Variants in KCTD8 observed in about 807,000 individuals in gnomAD.
KCTD8 encodes the protein BTB/POZ domain-containing protein KCTD8.
Under a neutral mutation model 31.5 loss-of-function variants are expected in KCTD8, and 27 were observed. The ratio of observed to expected loss-of-function variants is 0.86; its 90% CI spans 0.63 to 1.18. KCTD8 has a LOEUF of 1.18. Among genes scored for constraint, KCTD8 ranks in the 50% most tolerant of loss-of-function variants. KCTD8 has a pLI of 0.00. For missense variants in KCTD8, 658 were observed against 647.7 expected (o/e 1.02, Z -0.17); for synonymous variants, 290 against 280.0 (o/e 1.04, Z -0.36).
intron 1 of KCTD8, among the ~76,000 whole-genome samples, chr4:44,225,803 T>G (rs1216126121): frequency 6.7e-6 from 1 of 149,668 alleles, no homozygotes; most frequent in Non-Finnish European, 1.5e-5. Flanking sequence ...ACCCGTCACC[T>G]AGGTTTTGTC....
At chr4:44,295,842 T>G (rs1443716774) in intron 1 of KCTD8, among the ~76,000 whole-genome samples, 2 of 152,194 alleles carry the variant, frequency 1.3e-5, no homozygotes, top group Non-Finnish European at 2.9e-5. Context: ...ACATTCTGAC[T>G]GTAGCAATAT....
At chr4:44,201,080 A>C (rs2109339179) in intron 1 of KCTD8, among the ~76,000 whole-genome samples, 1 of 152,216 alleles carries the variant, frequency 6.6e-6, no homozygotes, top group African/African-American at 2.4e-5. Context: ...AAAATGAAAA[A>C]CCTAGGAATA....
At chr4:44,384,501 A>C (rs1720157090) in intron 1 of KCTD8, among the ~76,000 whole-genome samples, 1 of 151,972 alleles carries the variant, frequency 6.6e-6, no homozygotes, top group Non-Finnish European at 1.5e-5. Flanking sequence ...AAGCCTGGAA[A>C]ACATTATGTT....
intron 1 of KCTD8, among the ~76,000 whole-genome samples, chr4:44,242,572 C>T (rs1248989582): frequency 6.6e-6 from 1 of 150,690 alleles, no homozygotes; most frequent in Non-Finnish European, 1.5e-5. Context: ...GGCGGGATTC[C>T]GTCTCAAAAA....
chr4:44,260,492 G>A (rs1229542487), intron 1 of KCTD8, among the ~76,000 whole-genome samples: 1 of 151,942 alleles, frequency 6.6e-6, no homozygotes, highest in African/African-American at 2.4e-5. Context: ...GTCAGAGTAA[G>A]GGAACAGAGT....
At chr4:44,442,771 G>A (rs1475546782) in intron 1 of KCTD8, among the ~76,000 whole-genome samples, 1 of 18,036 alleles carries the variant, frequency 5.5e-5, no homozygotes, top group Admixed American at 6.2e-4. Context: ...CTTAACTAAG[G>A]TATACACACA....
intron 1 of KCTD8, among the ~76,000 whole-genome samples, chr4:44,320,924 T>A (rs1447849621): frequency 6.6e-6 from 1 of 151,982 alleles, no homozygotes; most frequent in Non-Finnish European, 1.5e-5. Context: ...AGGAAAAGGA[T>A]AACAAGATTT....
intron 1 of KCTD8, among the ~76,000 whole-genome samples, chr4:44,287,790 A>C (rs1717144804): frequency 6.6e-6 from 1 of 152,168 alleles, no homozygotes; most frequent in African/African-American, 2.4e-5. Flanking sequence ...CAGACTTAAC[A>C]CAGTATTCTT....
chr4:44,431,724 G>A (rs1721511777), intron 1 of KCTD8, among the ~76,000 whole-genome samples: 1 of 151,450 alleles, frequency 6.6e-6, no homozygotes, highest in Admixed American at 6.6e-5. Flanking sequence ...CCTCTAAGAT[G>A]GTCTTTTGGA....
At chr4:44,354,855 C>A (rs1719301765) in intron 1 of KCTD8, among the ~76,000 whole-genome samples, 1 of 152,044 alleles carries the variant, frequency 6.6e-6, no homozygotes, top group Admixed American at 6.6e-5. Flanking sequence ...AACTTGCATA[C>A]AATGGACATC....
intron 1 of KCTD8, among the ~76,000 whole-genome samples, chr4:44,196,978 C>T (rs1355876146): frequency 6.6e-6 from 1 of 152,190 alleles, no homozygotes; most frequent in Non-Finnish European, 1.5e-5. Context: ...CTCTTGCTTC[C>T]AGCACAGTGA....
chr4:44,376,567 T>C (rs943718912), intron 1 of KCTD8, among the ~76,000 whole-genome samples: 1 of 152,188 alleles, frequency 6.6e-6, no homozygotes, highest in Non-Finnish European at 1.5e-5. Context: ...AAGAAACCTA[T>C]GTGATTTTCA....
chr4:44,181,738 C>T (rs1026973051), intron 1 of KCTD8, among the ~76,000 whole-genome samples: 8 of 151,594 alleles, frequency 5.3e-5, no homozygotes, highest in Non-Finnish European at 7.4e-5. Context: ...CCCCTCTGCC[C>T]GGCTGCCCAG....
chr4:44,388,170 G>A (rs1196233207), intron 1 of KCTD8, among the ~76,000 whole-genome samples: 5 of 151,622 alleles, frequency 3.3e-5, no homozygotes, highest in East Asian at 1.9e-4. Context: ...CATCTAACAC[G>A]AGTCAGAATG....
At chr4:44,205,241 G>C (rs1018731081) in intron 1 of KCTD8, among the ~76,000 whole-genome samples, 3 of 152,088 alleles carry the variant, frequency 2.0e-5, no homozygotes, top group Non-Finnish European at 4.4e-5. Flanking sequence ...AAAAATTAAA[G>C]TGCCTTCCTA....
intron 1 of KCTD8, among the ~76,000 whole-genome samples, chr4:44,436,544 A>G (rs16856938): frequency 0.11 from 17,093 of 152,114 alleles, 2,062 homozygotes; most frequent in African/African-American, 0.28. Flanking sequence ...GATATTGACA[A>G]GAAATATTAT....
chr4:44,255,607 T>C (rs887330968), intron 1 of KCTD8, among the ~76,000 whole-genome samples: 3 of 151,836 alleles, frequency 2.0e-5, no homozygotes, highest in Non-Finnish European at 4.4e-5. Flanking sequence ...TCAATCTCAC[T>C]GTTTAGAGCT....
At position 44,276,742 on chromosome 4, in the gene KCTD8, T is replaced by C. The variant is rs1716761162; in HGVS notation, c.962-101492A>G. ...AAATTTTATCTCATACATTAGCTAT[T>C]TTACTCAGCTTAAATAAAGTTCACA... On this transcript the variant is annotated intron_variant, in intron 1 of 1. Coordinates refer to ENST00000360029, the MANE Select transcript of KCTD8 (RefSeq NM_198353.3). Among the ~76,000 whole-genome samples, 3 of 151,992 alleles carry C rather than the reference T, an allele frequency of 2.0e-5. No individual in the cohort carries two copies. In the South Asian group the frequency reaches 6.2e-4, roughly 31 times the overall value.
At chr4:44,198,090 C>A (rs528723342) in intron 1 of KCTD8, among the ~76,000 whole-genome samples, 1 of 152,074 alleles carries the variant, frequency 6.6e-6, no homozygotes, top group East Asian at 1.9e-4. Context: ...TCAACTCAGT[C>A]AGACAAAAGT....
Sources: allele counts gnomAD v4.1 joint callset (sites outside exome capture counted in the v4.1 genomes callset), GRCh38; gene constraint gnomAD v4.1.1; transcripts MANE v1.5; gene names NCBI Gene and HGNC (gene_info 2026-07-23, HGNC 2026-07-21).